The following PRICKLE1 variants were observed in gnomAD, a reference collection of about 807,000 sequenced individuals.
PRICKLE1 encodes prickle-like protein 1.
Under a neutral mutation model 70.2 loss-of-function variants are expected in PRICKLE1, and 14 were observed. The observed-to-expected ratio is 0.20, with a 90% CI of 0.13 to 0.31. The LOEUF is 0.31. PRICKLE1 is among the 10% of genes least tolerant of loss of function. The pLI is 1.00. For synonymous variants in PRICKLE1, 357 were observed against 379.9 expected, an observed-to-expected ratio of 0.94 and a Z score of 0.70; for missense variants, 821 against 1,026.2, an observed-to-expected ratio of 0.80 and a Z score of 2.73.
At chr12:42,488,920 A>ATTTTTTTTTTT (rs1277867776) in intron 1 of PRICKLE1, among the ~76,000 whole-genome samples, 1 of 141,292 alleles carries the variant, frequency 7.1e-6, no homozygotes, top group African/African-American at 3.0e-5. Context: ...CTATCAATCT[A>ATTTTTTTTTTT]TCTTTTTTTT....
At chr12:42,481,288 T>G (rs1345337707) in intron 1 of PRICKLE1, among the ~76,000 whole-genome samples, 1 of 152,154 alleles carries the variant, frequency 6.6e-6, no homozygotes, top group African/African-American at 2.4e-5. Flanking sequence ...AAACAGTAAT[T>G]GTCAGGGCCT....
intron 1 of PRICKLE1, among the ~76,000 whole-genome samples, chr12:42,530,326 T>C (rs1210720622): frequency 6.6e-6 from 1 of 152,178 alleles, no homozygotes. Context: ...AATTTTTTAT[T>C]TCATATGAAA....
intron 1 of PRICKLE1, among the ~76,000 whole-genome samples, chr12:42,477,533 TG>T: frequency 9.3e-6 from 1 of 107,870 alleles, no homozygotes; most frequent in Admixed American, 1.0e-4. Context: ...TATATATATA[TG>T]ACCTCACAAA....
intron 1 of PRICKLE1, among the ~76,000 whole-genome samples, chr12:42,559,648 A>G (rs1940472276): frequency 5.7e-5 from 6 of 104,868 alleles, no homozygotes; most frequent in Admixed American, 1.3e-4. Flanking sequence ...GGGGGGGTAG[A>G]GATGGGGGCC....
At chr12:42,503,312 C>T (rs542362711) in intron 1 of PRICKLE1, among the ~76,000 whole-genome samples, 2 of 152,116 alleles carry the variant, frequency 1.3e-5, no homozygotes, top group Non-Finnish European at 2.9e-5. Context: ...ACATTTCACA[C>T]CTGTTACTTA....
chr12:42,559,514 G>A (rs1269641304), intron 1 of PRICKLE1, among the ~76,000 whole-genome samples: 1 of 151,074 alleles, frequency 6.6e-6, no homozygotes, highest in Non-Finnish European at 1.5e-5. Flanking sequence ...TCAAGTACCT[G>A]TTACTACAGG....
intron 1 of PRICKLE1, among the ~76,000 whole-genome samples, chr12:42,573,006 T>C (rs886306138): frequency 1.1e-4 from 16 of 142,234 alleles, no homozygotes; most frequent in Non-Finnish European, 2.4e-4. Flanking sequence ...CTCAGTTTCT[T>C]GTATGTTTAA....
intron 1 of PRICKLE1, among the ~76,000 whole-genome samples, chr12:42,515,208 G>C (rs1271491999): frequency 6.6e-6 from 1 of 151,274 alleles, no homozygotes; most frequent in Non-Finnish European, 1.5e-5. Context: ...GCATAGGCAT[G>C]AGCCACCACA....
At chr12:42,491,940 C>T (rs890205187) in intron 1 of PRICKLE1, among the ~76,000 whole-genome samples, 4 of 151,810 alleles carry the variant, frequency 2.6e-5, no homozygotes, top group East Asian at 3.9e-4. Flanking sequence ...CCCGCCGCCA[C>T]GCCCGGCTAA....
At chr12:42,478,235 T>C (rs1473884211) in intron 1 of PRICKLE1, among the ~76,000 whole-genome samples, 1 of 152,164 alleles carries the variant, frequency 6.6e-6, no homozygotes, top group Admixed American at 6.5e-5. Context: ...CTAAGGCAGA[T>C]TTATTGTCTT....
chr12:42,509,812 C>T (rs142971229), intron 1 of PRICKLE1, among the ~76,000 whole-genome samples: 6,374 of 152,092 alleles, frequency 0.042, 297 homozygotes, highest in Admixed American at 0.15. Flanking sequence ...AGGTGGCTCA[C>T]ACCTGTAATC....
chr12:42,566,209 A>G (rs1338994066), intron 1 of PRICKLE1, among the ~76,000 whole-genome samples: 1 of 152,188 alleles, frequency 6.6e-6, no homozygotes, highest in Non-Finnish European at 1.5e-5. Flanking sequence ...ATGGGACGAA[A>G]GAATGGAGGG....
intron 6 of PRICKLE1, 68 bp downstream of exon 6, chr12:42,466,126 T>TA (rs1305050190): frequency 1.3e-6 from 2 of 1,535,106 alleles, no homozygotes; most frequent in African/African-American, 2.7e-5. Flanking sequence ...AAAGAAAAAA[T>TA]AAGACTGGAT....
intron 1 of PRICKLE1, among the ~76,000 whole-genome samples, chr12:42,499,891 C>A (rs1356848459): frequency 6.6e-6 from 1 of 151,658 alleles, no homozygotes; most frequent in Non-Finnish European, 1.5e-5. Flanking sequence ...CCATGCCTGG[C>A]TAATTTTTGT....
At chr12:42,549,197 G>A (rs1265525963) in intron 1 of PRICKLE1, among the ~76,000 whole-genome samples, 1 of 151,482 alleles carries the variant, frequency 6.6e-6, no homozygotes, top group Non-Finnish European at 1.5e-5. Context: ...AACCATTAGG[G>A]GCAATATTAA....
chr12:42,507,020 A>G (rs1566106317), intron 1 of PRICKLE1, among the ~76,000 whole-genome samples: 2 of 152,226 alleles, frequency 1.3e-5, no homozygotes, highest in Non-Finnish European at 2.9e-5. Flanking sequence ...ATCTAAACCC[A>G]TTATTTGGGG....
Position 42,464,690 on chromosome 12 carries a change from C to T in PRICKLE1, c.1344G>A (p.Met448Ile). Residue 448 changes from methionine to isoleucine, a missense_variant, in exon 7 of 8, where the codon ATG (methionine) becomes ATA (isoleucine). Physicochemically the swap from Met to Ile is conservative, Grantham distance 10 (BLOSUM62 1). Coordinates refer to ENST00000345127, the MANE Select transcript of PRICKLE1 (RefSeq NM_153026.3). This position sits in a 1 kb window ranked among gnomAD's most constrained non-coding sequence, Gnocchi z 4.2. The part of the protein sequence containing the change: ...RASEHWISDN[M>I]VKSKTELKQN... Reference sequence around the variant, plus strand: ...GCTTTAACTCGGTCTTACTTTTAACCATGTTATCAGATATCCAGTGCTCAC... The same window carrying T: ...GCTTTAACTCGGTCTTACTTTTAACTATGTTATCAGATATCCAGTGCTCAC... 6.2e-7 allele frequency: 1 copy of T among 1,614,008 alleles called. No individual in the cohort carries two copies. The highest frequency in any genetic ancestry group is 1.1e-5 in the South Asian group (1 of 91,070).
intron 1 of PRICKLE1, among the ~76,000 whole-genome samples, chr12:42,581,841 T>C (rs188009096): frequency 3.3e-5 from 5 of 152,156 alleles, no homozygotes; most frequent in Admixed American, 2.6e-4. Context: ...TACACTATCA[T>C]AACCTGGTTG....
chr12:42,583,192 C>A (rs1940931768), intron 1 of PRICKLE1, among the ~76,000 whole-genome samples: 1 of 151,578 alleles, frequency 6.6e-6, no homozygotes, highest in Non-Finnish European at 1.5e-5. Flanking sequence ...CAGAAGGCAG[C>A]ATTTTAACTG....
Sources: gnomAD v4.1 joint callset for allele counts (sites outside exome capture counted in the v4.1 genomes callset) on GRCh38, gnomAD v4.1.1 for gene constraint, Gnocchi (gnomAD v3.1) non-coding constraint, MANE v1.5 for transcripts, NCBI Gene and HGNC (gene_info 2026-07-23, HGNC 2026-07-21) for gene names.